Variants in DNAJC24 observed in about 807,000 individuals in gnomAD.
DNAJC24 encodes the protein dnaJ homolog subfamily C member 24.
Under a neutral mutation model 18.0 loss-of-function variants are expected in DNAJC24, and 17 were observed. The observed-to-expected ratio is 0.94, with a 90% CI of 0.65 to 1.42. The LOEUF (loss-of-function observed/expected upper bound fraction) is 1.42. Ranked by LOEUF, DNAJC24 falls within the 40% of genes most tolerant of loss-of-function variation. The pLI is 0.00. For synonymous variants in DNAJC24, 55 were observed against 57.7 expected, an observed-to-expected ratio of 0.95 and a Z score of 0.21; for missense variants, 158 against 175.6, an observed-to-expected ratio of 0.90 and a Z score of 0.57.
intron 3 of DNAJC24, among the ~76,000 whole-genome samples, chr11:31,425,730 G>C (rs1029511317): frequency 2.0e-5 from 3 of 152,056 alleles, no homozygotes; most frequent in African/African-American, 7.3e-5. Context: ...TCAAATTATG[G>C]GTTAGGGCTT....
intron 1 of DNAJC24, 133 bp from the exon 2 acceptor site, chr11:31,370,583 C>G: frequency 2.2e-6 from 1 of 452,504 alleles, no homozygotes. Flanking sequence ...AAATGAAAAT[C>G]TGTGCTTCCT....
At chr11:31,420,563 C>T (rs571912438) in intron 3 of DNAJC24, among the ~76,000 whole-genome samples, 177 of 152,128 alleles carry the variant, frequency 1.2e-3, no homozygotes, top group Middle Eastern at 3.4e-3. Context: ...ATAGATAGCT[C>T]AACACAAACA....
chr11:31,382,499 T>C (rs1471129061), intron 2 of DNAJC24, among the ~76,000 whole-genome samples: 2 of 152,144 alleles, frequency 1.3e-5, no homozygotes, highest in Admixed American at 1.3e-4. Flanking sequence ...ATAATGACAT[T>C]ATACTAATTT....
In DNAJC24 at chr11:31,376,464, GAGTAGTAAGTGTATAATT is replaced by G. The variant is rs534575577; in HGVS notation, c.111+5611_111+5628del. Reference sequence around the variant, plus strand: ...TTGTTTAAGAAGGCTAGGAAGTATAGAGTAGTAAGTGTATAATTAGTAGCACGTGTATTGTACTTAGCA... The same window carrying G: ...TTGTTTAAGAAGGCTAGGAAGTATAGAGTAGCACGTGTATTGTACTTAGCA... On this transcript the variant is annotated intron_variant, in intron 2 of 4. Coordinates refer to ENST00000465995, the MANE Select transcript of DNAJC24 (RefSeq NM_181706.5). Among the ~76,000 whole-genome samples, 5 of 152,340 alleles carry G rather than the reference GAGTAGTAAGTGTATAATT, an allele frequency of 3.3e-5. No homozygotes were observed. The East Asian group carries it at 9.6e-4, about 29-fold the overall frequency.
At chr11:31,423,129 A>G (rs1293165356) in intron 3 of DNAJC24, among the ~76,000 whole-genome samples, 1 of 152,210 alleles carries the variant, frequency 6.6e-6, no homozygotes, top group African/African-American at 2.4e-5. Flanking sequence ...GTAGCCACTT[A>G]AGAGTCTCAA....
chr11:31,385,802 G>A (rs1000152429), intron 2 of DNAJC24, among the ~76,000 whole-genome samples: 5 of 152,046 alleles, frequency 3.3e-5, no homozygotes, highest in Admixed American at 3.3e-4. Flanking sequence ...CCCCTCTGCA[G>A]GAACATCAAA....
intron 2 of DNAJC24, among the ~76,000 whole-genome samples, chr11:31,404,638 T>G (rs1227672690): frequency 6.6e-6 from 1 of 152,074 alleles, no homozygotes; most frequent in African/African-American, 2.4e-5. Flanking sequence ...AAGAAATGAG[T>G]TTTTATTATC....
intron 2 of DNAJC24, among the ~76,000 whole-genome samples, chr11:31,378,703 T>C (rs1007167937): frequency 2.0e-5 from 3 of 152,110 alleles, no homozygotes; most frequent in Non-Finnish European, 2.9e-5. Context: ...TAATAGATTA[T>C]ATCTTTAGAG....
intron 2 of DNAJC24, among the ~76,000 whole-genome samples, chr11:31,402,945 A>T (rs993866614): frequency 3.3e-5 from 5 of 152,136 alleles, no homozygotes; most frequent in African/African-American, 1.2e-4. Context: ...TTATAATCTT[A>T]TGGGGCTGCT....
At chr11:31,419,499 T>C (rs1952783306) in intron 3 of DNAJC24, among the ~76,000 whole-genome samples, 1 of 152,078 alleles carries the variant, frequency 6.6e-6, no homozygotes, top group South Asian at 2.1e-4. Context: ...TATTTTAGGA[T>C]CATTTCTCAT....
intron 2 of DNAJC24, among the ~76,000 whole-genome samples, chr11:31,413,386 A>C (rs776841220): frequency 2.3e-5 from 3 of 131,952 alleles, no homozygotes; most frequent in Non-Finnish European, 3.0e-5. Context: ...GCTGGAGTGC[A>C]GTGGTGCAAT....
intron 2 of DNAJC24, among the ~76,000 whole-genome samples, chr11:31,409,975 C>T (rs184415735): frequency 6.6e-6 from 1 of 151,342 alleles, no homozygotes; most frequent in Non-Finnish European, 1.5e-5. Flanking sequence ...ACCTCTACCT[C>T]CCCAGTTTAA....
Position 31,370,767 on chromosome 11 carries a change from A to G in DNAJC24, c.19A>G (p.Met7Val), listed in dbSNP as rs1430848553. MMAVEQ[M>V]PKKDWYSILG... ...TCCATGGATGATGGCGGTTGAGCAGATGCCAAAAAAGGATTGGTACAGCAT... is the reference window on the plus strand; with the variant it reads ...TCCATGGATGATGGCGGTTGAGCAGGTGCCAAAAAAGGATTGGTACAGCAT... Residue 7 changes from methionine (M) to valine (V), a missense_variant, in exon 2 of 5, where the codon ATG (methionine) becomes GTG (valine). Physicochemically the swap from Met to Val is conservative, Grantham distance 21. Coordinates refer to ENST00000465995, the MANE Select transcript of DNAJC24 (RefSeq NM_181706.5). The G allele has an allele frequency of 2.5e-6, 4 of 1,610,008 alleles. No homozygotes were observed. Among genetic ancestry groups the G allele is most frequent in the Middle Eastern group, 1.7e-4 (1 of 6,056 alleles).
At position 31,393,555 on chromosome 11, in the gene DNAJC24, T is replaced by TA. The variant is rs145552311; in HGVS notation, c.112-21255dup. ...GAAAAGGGCAAGTTCAGTTCCCTCT[T>TA]ACTCTCTCTTGGCCCATATCCCTGC... On this transcript the variant is annotated intron_variant, in intron 2 of 4. Transcript: ENST00000465995. Among the ~76,000 whole-genome samples, 872 of 152,234 alleles carry TA rather than the reference T, an allele frequency of 5.7e-3. 6 individuals are homozygous for TA. Among genetic ancestry groups the TA allele is most frequent in the African/African-American group, 0.02 (833 of 41,524 alleles).
intron 3 of DNAJC24, among the ~76,000 whole-genome samples, chr11:31,420,868 C>G (rs966856220): frequency 3.3e-5 from 5 of 152,074 alleles, no homozygotes; most frequent in Admixed American, 1.3e-4. Context: ...GAACAAGATA[C>G]CAGGCCTACT....
intron 2 of DNAJC24, among the ~76,000 whole-genome samples, chr11:31,375,341 C>T (rs1328625360): frequency 2.2e-5 from 3 of 135,336 alleles, no homozygotes; most frequent in African/African-American, 7.4e-5. Context: ...GTAATCGTGC[C>T]TCCCCAGCTC....
At chr11:31,399,451 G>A (rs1156254064) in intron 2 of DNAJC24, among the ~76,000 whole-genome samples, 8 of 138,618 alleles carry the variant, frequency 5.8e-5, no homozygotes, top group South Asian at 2.2e-4. Flanking sequence ...GTCTCGCTCC[G>A]TCACCCAGGC....
At chr11:31,415,727 C>T (rs1299355079) in intron 3 of DNAJC24, 1 of 152,174 alleles carries the variant, frequency 6.6e-6, no homozygotes, top group East Asian at 1.9e-4. Context: ...AACACTCAGT[C>T]GCTCTCTCCA....
intron 2 of DNAJC24, among the ~76,000 whole-genome samples, chr11:31,409,640 CT>C (rs1209100799): frequency 1.3e-5 from 2 of 151,906 alleles, no homozygotes; most frequent in African/African-American, 4.8e-5. Context: ...ATGTATTTAC[CT>C]ATTCTGCAGT....
Sources: allele counts gnomAD v4.1 joint callset (sites outside exome capture counted in the v4.1 genomes callset), GRCh38; gene constraint gnomAD v4.1.1; transcripts MANE v1.5; gene names NCBI Gene and HGNC (gene_info 2026-07-23, HGNC 2026-07-21).